Variants in AFDN observed in about 807,000 individuals in gnomAD.
The protein encoded by AFDN is afadin.
A neutral mutation model predicts 216.6 loss-of-function variants in AFDN; 68 were observed. The ratio of observed to expected loss-of-function variants is 0.31; its 90% confidence interval spans 0.26 to 0.38. The LOEUF is 0.38. AFDN is among the 10% of genes least tolerant of loss of function. The pLI, the probability that AFDN is intolerant of heterozygous loss-of-function variation, is 1.00. For missense variants in AFDN, 2,136 were observed against 2,342.0 expected (o/e 0.91, Z 1.82); for synonymous variants, 868 against 853.7 (o/e 1.02, Z -0.29).
intron 1 of AFDN, among the ~76,000 whole-genome samples, chr6:167,840,573 T>C (rs550398779): frequency 1.6e-4 from 24 of 152,324 alleles, no homozygotes; most frequent in African/African-American, 5.5e-4. Flanking sequence ...CAGAATGATA[T>C]GTTATTGTGA....
chr6:167,862,829 A>AT (rs1285928429), intron 1 of AFDN, among the ~76,000 whole-genome samples: 6 of 152,188 alleles, frequency 3.9e-5, no homozygotes. Flanking sequence ...TGTAGCTCCC[A>AT]TTTTGCCAAC....
intron 1 of AFDN, among the ~76,000 whole-genome samples, chr6:167,830,031 A>T (rs1779652280): frequency 6.6e-6 from 1 of 152,198 alleles, no homozygotes; most frequent in African/African-American, 2.4e-5. Flanking sequence ...TCTGAACCTG[A>T]TGTTGTTATT....
At chr6:167,856,049 T>A (rs1343209086) in intron 1 of AFDN, among the ~76,000 whole-genome samples, 1 of 152,174 alleles carries the variant, frequency 6.6e-6, no homozygotes, top group Admixed American at 6.5e-5. Flanking sequence ...TCCAGCTATG[T>A]TCCACCCGGG....
At chr6:167,909,015 A>G (rs553409257) in intron 13 of AFDN, among the ~76,000 whole-genome samples, 72 of 152,272 alleles carry the variant, frequency 4.7e-4, no homozygotes, top group African/African-American at 1.6e-3. Flanking sequence ...ATCAATGACA[A>G]TGTAAACACT....
intron 5 of AFDN, among the ~76,000 whole-genome samples, chr6:167,879,075 G>A (rs957823765): frequency 1.3e-5 from 2 of 152,186 alleles, no homozygotes; most frequent in African/African-American, 4.8e-5. Context: ...ACCACAGGAT[G>A]TAAGCTGTTG....
chr6:167,917,228 C>T lies in AFDN; in HGVS notation c.2705C>T (p.Pro902Leu). Residue 902 changes from proline to leucine, a missense_variant, in exon 20 of 34, where the codon CCA becomes CTA. Transcript: ENST00000683244. ...TGTGCACCTGATGAGCCTTTTATCCCAACGGTGAGTGGATGTTGCCACATT... is the reference window on the plus strand; with the variant it reads ...TGTGCACCTGATGAGCCTTTTATCCTAACGGTGAGTGGATGTTGCCACATT... ...YHCAPDEPFI[P>L]TDLIENVVTV... The T allele has an allele frequency of 6.3e-7, 1 of 1,588,900 alleles. No individual in the cohort carries two copies. The highest frequency in any genetic ancestry group is 8.5e-7 in the Non-Finnish European group (1 of 1,171,038).
At chr6:167,883,393 G>A (rs1350476854) in intron 6 of AFDN, among the ~76,000 whole-genome samples, 1 of 152,182 alleles carries the variant, frequency 6.6e-6, no homozygotes. Context: ...TCTGTGCATA[G>A]CAATAAAAAA....
chr6:167,881,508 C>T (rs1057194892), intron 6 of AFDN, among the ~76,000 whole-genome samples: 3 of 152,142 alleles, frequency 2.0e-5, no homozygotes, highest in Non-Finnish European at 4.4e-5. Flanking sequence ...GGGAGGACAT[C>T]AAGACAAAGC....
intron 23 of AFDN, among the ~76,000 whole-genome samples, chr6:167,926,477 G>C (rs1792546051): frequency 6.6e-6 from 1 of 152,186 alleles, no homozygotes; most frequent in Non-Finnish European, 1.5e-5. Flanking sequence ...GGGTCTTGCT[G>C]TGTCACCCAG....
Position 167,880,201 on chromosome 6 carries a change from A to G in AFDN, c.740-159A>G, listed in dbSNP as rs574189236. Among the ~76,000 whole-genome samples the G allele has an allele frequency of 1.5e-4, 23 of 152,304 alleles. No homozygotes were observed. The South Asian group carries it at 4.8e-3, about 32-fold the overall frequency. On this transcript the variant is annotated intron_variant, in intron 5 of 33. Transcript: ENST00000683244. ...CAACTAGTTACTGCTATTATATGTT[A>G]TCTAACAGGAAATGAAACAATAGTT...
chr6:167,952,636 C>A, intron 30 of AFDN: 1 of 265,068 alleles, frequency 3.8e-6, no homozygotes, highest in Non-Finnish European at 5.8e-6. Context: ...GCCACAGGCA[C>A]AAGTAAACAC....
chr6:167,878,812 G>C (rs1183260633), intron 5 of AFDN, among the ~76,000 whole-genome samples: 1 of 152,144 alleles, frequency 6.6e-6, no homozygotes, highest in Non-Finnish European at 1.5e-5. Flanking sequence ...CCAGCCCTGG[G>C]CCTTAGCAGT....
At chr6:167,943,836 A>G (rs1794970862) in intron 25 of AFDN, 105 bp from the exon 26 acceptor site, 3 of 959,362 alleles carry the variant, frequency 3.1e-6, no homozygotes, top group Non-Finnish European at 3.2e-6. Flanking sequence ...AAAATAATAG[A>G]TGAAGCTGTG....
At chr6:167,896,784 C>A in intron 9 of AFDN, 94 bp from the exon 10 acceptor site, 2 of 683,986 alleles carry the variant, frequency 2.9e-6, no homozygotes, top group South Asian at 2.0e-5. Flanking sequence ...GAAATGAGAA[C>A]TGTAGTGCCT....
At chr6:167,851,088 A>G (rs917163280) in intron 1 of AFDN, among the ~76,000 whole-genome samples, 10 of 152,152 alleles carry the variant, frequency 6.6e-5, no homozygotes, top group African/African-American at 1.7e-4. Flanking sequence ...GCTAATTTCA[A>G]CAATAGAATT....
In AFDN at chr6:167,942,480, T is replaced by C. The variant is rs374428910; in HGVS notation, c.3100-649T>C. On this transcript the variant is annotated intron_variant, in intron 23 of 33. Coordinates refer to ENST00000683244, the MANE Select transcript of AFDN (RefSeq NM_001386888.1). ...AAATTACCCAAAATTTTGATTGTTA[T>C]AGAGTTAGGTTTAGTATAGTCGTGG... Among the ~76,000 whole-genome samples, 140 of 152,322 alleles carry C rather than the reference T, an allele frequency of 9.2e-4. 9 individuals are homozygous for C. The highest frequency in any genetic ancestry group is 3.9e-4 in the East Asian group (2 of 5,186).
intron 22 of AFDN, among the ~76,000 whole-genome samples, chr6:167,924,212 C>T (rs1384784613): frequency 1.3e-5 from 2 of 152,192 alleles, no homozygotes; most frequent in Admixed American, 6.5e-5. Flanking sequence ...ATTACCACCT[C>T]TTGGCAAGGT....
Position 167,943,999 on chromosome 6 carries a change from G to A in AFDN, c.3298G>A (p.Gly1100Ser). 1 of 1,614,092 alleles carries A rather than the reference G, an allele frequency of 6.2e-7. No individual in the cohort carries two copies. Residue 1100 changes from glycine to serine, a missense_variant, in exon 26 of 34, where the codon GGT (glycine) becomes AGT (serine). Gly to Ser is a moderately conservative substitution (Grantham distance 56). Around this residue, in one of 8 missense-constraint regions of AFDN, gnomAD observed 74 missense variants for 98.8 expected, o/e 0.75. Transcript: ENST00000683244. ...SVVTLEVAKQ[G>S]AIYHGLATLL... Reference sequence around the variant, plus strand: ...GGTGACACTGGAAGTAGCAAAGCAGGGTGCCATCTACCACGGTCTGGCCAC... The same window carrying A: ...GGTGACACTGGAAGTAGCAAAGCAGAGTGCCATCTACCACGGTCTGGCCAC...
At chr6:167,969,495 T>TAC (rs1797871102) in intron 33 of AFDN, among the ~76,000 whole-genome samples, 1 of 152,230 alleles carries the variant, frequency 6.6e-6, no homozygotes, top group African/African-American at 2.4e-5. Flanking sequence ...CCCCTCAGGT[T>TAC]ACACTTAACT....
Sources: gnomAD v4.1 joint callset for allele counts (sites outside exome capture counted in the v4.1 genomes callset) on GRCh38, gnomAD v4.1.1 for gene constraint, gnomAD v4.1.1 regional missense constraint, MANE v1.5 for transcripts, NCBI Gene and HGNC (gene_info 2026-07-23, HGNC 2026-07-21) for gene names.